The following TLL1 variants were observed in gnomAD, a reference collection of about 807,000 sequenced individuals.
TLL1 encodes the protein tolloid-like protein 1.
In TLL1, 49 loss-of-function variants were observed where a neutral mutation model predicts 128.2. That is an observed-to-expected ratio of 0.38 (90% CI 0.30 to 0.48). TLL1 has a LOEUF of 0.48. Among genes scored for constraint, TLL1 ranks in the 20% least tolerant of loss-of-function variants. TLL1 has a pLI of 0.96. For missense variants in TLL1, 1,123 were observed against 1,242.0 expected (o/e 0.90, Z 1.44); for synonymous variants, 454 against 418.8 (o/e 1.08, Z -1.03).
intron 3 of TLL1, among the ~76,000 whole-genome samples, chr4:165,993,991 G>A (rs968204383): frequency 6.6e-6 from 1 of 152,148 alleles, no homozygotes; most frequent in Non-Finnish European, 1.5e-5. Flanking sequence ...GGAGTAACAA[G>A]AATCTTAAAT....
In TLL1 at chr4:166,091,272, A is replaced by G. The variant is rs1397577416; in HGVS notation, c.2587A>G (p.Lys863Glu). Residue 863 changes from lysine (K) to glutamate (E), a missense_variant, in exon 19 of 21, where the codon AAA becomes GAA. Physicochemically the swap from Lys to Glu is moderately conservative, Grantham distance 56 (BLOSUM62 1). This residue lies in a region of TLL1 where 634 missense variants were observed against 672.4 expected (regional missense o/e 0.94). Coordinates refer to ENST00000061240, the MANE Select transcript of TLL1 (RefSeq NM_012464.5). Reference protein sequence around the residue: ...IPDPLVATGNKMFVRFVSDAS... With the variant: ...IPDPLVATGNEMFVRFVSDAS... The stretch of plus-strand genomic sequence containing the variant: ...AGATCCCCTTGTGGCTACTGGAAAT[A>G]AAATGTTTGTTCGGTTTGTTTCTGA... 5.0e-6 allele frequency: 8 copies of G among 1,613,092 alleles called. No homozygotes were observed. Among genetic ancestry groups the G allele is most frequent in the Admixed American group, 1.7e-5 (1 of 59,934 alleles).
At chr4:166,086,147 G>C (rs1334085871) in intron 18 of TLL1, among the ~76,000 whole-genome samples, 1 of 152,002 alleles carries the variant, frequency 6.6e-6, no homozygotes, top group Admixed American at 6.6e-5. Context: ...TGTGTGCATG[G>C]TGTTCATTCA....
At chr4:166,031,555 A>C (rs1322960311) in intron 9 of TLL1, among the ~76,000 whole-genome samples, 1 of 151,884 alleles carries the variant, frequency 6.6e-6, no homozygotes, top group Non-Finnish European at 1.5e-5. Context: ...TTTAGTAGGG[A>C]CAGGGTTTCA....
chr4:165,984,454 ATAG>A (rs770472532), intron 1 of TLL1, among the ~76,000 whole-genome samples: 12 of 151,930 alleles, frequency 7.9e-5, no homozygotes, highest in Admixed American at 1.3e-4. Flanking sequence ...TCATGTAAAA[ATAG>A]TTGACTTTTG....
intron 1 of TLL1, among the ~76,000 whole-genome samples, chr4:165,900,196 A>G (rs1286929359): frequency 2.6e-5 from 4 of 151,866 alleles, no homozygotes; most frequent in Non-Finnish European, 5.9e-5. Context: ...CCGATTTGCC[A>G]GTCTGTGTCT....
At chr4:166,004,672 G>A (rs866640850) in intron 6 of TLL1, among the ~76,000 whole-genome samples, 4 of 152,078 alleles carry the variant, frequency 2.6e-5, no homozygotes, top group African/African-American at 4.8e-5. Flanking sequence ...AATTTCAAGC[G>A]AAAAGGACTT....
At chr4:166,087,716 A>G (rs1450080666) in intron 18 of TLL1, among the ~76,000 whole-genome samples, 2 of 152,200 alleles carry the variant, frequency 1.3e-5, no homozygotes, top group Non-Finnish European at 2.9e-5. Context: ...CTGTATGTTC[A>G]ATAAAAGAAC....
intron 1 of TLL1, among the ~76,000 whole-genome samples, chr4:165,910,965 G>GAATGTGT (rs1732500941): frequency 6.6e-6 from 1 of 152,096 alleles, no homozygotes; most frequent in Admixed American, 6.5e-5. Context: ...TACATGAATA[G>GAATGTGT]AATGTGTAAT....
chr4:166,034,281 G>A (rs1396828632), intron 9 of TLL1, among the ~76,000 whole-genome samples: 2 of 152,084 alleles, frequency 1.3e-5, no homozygotes, highest in African/African-American at 2.4e-5. Context: ...GATTTTGAGC[G>A]ATATGAAGAA....
At position 166,099,270 on chromosome 4, in the gene TLL1, T is replaced by C; in HGVS notation, c.2657-7T>C. The C allele has an allele frequency of 2.5e-6, 4 of 1,613,460 alleles. No homozygotes were observed. Among genetic ancestry groups the C allele is most frequent in the Non-Finnish European group, 3.4e-6 (4 of 1,179,558 alleles). On this transcript the variant is annotated splice_region_variant and splice_polypyrimidine_tract_variant and intron_variant, in intron 19 of 20. Transcript: ENST00000061240. The stretch of plus-strand genomic sequence containing the variant: ...CCTTACTCATCTTATTTTTCTTTCC[T>C]GGGCAGAGTGTGGCGGACGATTGAA...
At chr4:165,927,183 G>T (rs954117461) in intron 1 of TLL1, among the ~76,000 whole-genome samples, 1 of 152,264 alleles carries the variant, frequency 6.6e-6, no homozygotes, top group East Asian at 1.9e-4. Flanking sequence ...TAAAACAATA[G>T]ATAGTTTTTG....
chr4:165,966,021 A>G (rs2110968797), intron 1 of TLL1, among the ~76,000 whole-genome samples: 1 of 152,122 alleles, frequency 6.6e-6, no homozygotes, highest in East Asian at 1.9e-4. Context: ...TCTACTAAAA[A>G]TACAAAAATT....
chr4:165,907,176 A>G (rs921271402), intron 1 of TLL1, among the ~76,000 whole-genome samples: 3 of 152,206 alleles, frequency 2.0e-5, no homozygotes, highest in Non-Finnish European at 4.4e-5. Context: ...TTGTGACCCC[A>G]GTTTAGCATG....
intron 18 of TLL1, among the ~76,000 whole-genome samples, chr4:166,081,747 T>C (rs1011556489): frequency 1.6e-4 from 25 of 152,190 alleles, no homozygotes; most frequent in African/African-American, 6.0e-4. Context: ...TGTTATTTTT[T>C]TTTTTTTACA....
At chr4:166,070,099 C>T (rs114835280) in intron 16 of TLL1, among the ~76,000 whole-genome samples, 2,317 of 151,692 alleles carry the variant, frequency 0.015, 59 homozygotes, top group African/African-American at 0.052. Context: ...TTATTTTCTT[C>T]GACTAAATGA....
Position 165,873,786 on chromosome 4 carries a change from C to G in TLL1, c.-119C>G, listed in dbSNP as rs1730596356. The G allele has an allele frequency of 3.4e-6, 4 of 1,187,466 alleles. No individual in the cohort carries two copies. The highest frequency in any genetic ancestry group is 3.7e-6 in the Non-Finnish European group (3 of 816,646). The allele number at this position is 1,187,466 out of a possible 1,614,324, so 73.6% of individuals were successfully genotyped here. A position where few individuals can be genotyped will look rare whatever the true frequency, so the allele number is the denominator to read the frequency against. The stretch of plus-strand genomic sequence containing the variant: ...TCCGGACACCTGAGCACCCCGGTCC[C>G]GCCGAGGAGCCTCCGGGTGGGGAGA... On this transcript the variant is annotated 5_prime_UTR_variant, in exon 1 of 21. Transcript: ENST00000061240.
intron 1 of TLL1, chr4:165,920,012 T>G (rs1214862948): frequency 3.7e-6 from 1 of 268,408 alleles, no homozygotes; most frequent in African/African-American, 2.3e-5. Flanking sequence ...GCCATATAAA[T>G]AGCTATTTCC....
At chr4:165,906,358 T>C (rs1406086516) in intron 1 of TLL1, among the ~76,000 whole-genome samples, 1 of 152,188 alleles carries the variant, frequency 6.6e-6, no homozygotes, top group Non-Finnish European at 1.5e-5. Flanking sequence ...CCTTATAAGG[T>C]AGATATTGTT....
At chr4:166,066,496 T>G (rs2111126774) in intron 16 of TLL1, among the ~76,000 whole-genome samples, 1 of 152,002 alleles carries the variant, frequency 6.6e-6, no homozygotes, top group Admixed American at 6.6e-5. Flanking sequence ...ATTTTGAAAC[T>G]TCCAAAGTAG....
Sources: allele counts gnomAD v4.1 joint callset (sites outside exome capture counted in the v4.1 genomes callset), GRCh38; gene constraint gnomAD v4.1.1; regional missense constraint gnomAD v4.1.1; transcripts MANE v1.5; gene names NCBI Gene and HGNC (gene_info 2026-07-23, HGNC 2026-07-21).